The following TRPM3 variants were observed in gnomAD, a reference collection of about 807,000 sequenced individuals.
TRPM3 encodes the protein transient receptor potential cation channel subfamily M member 3, also known as long transient receptor potential channel 3.
Under a neutral mutation model 181.2 loss-of-function variants are expected in TRPM3, and 77 were observed. That is an observed-to-expected ratio of 0.42 (90% CI 0.35 to 0.51). The LOEUF is 0.51. Ranked by LOEUF, TRPM3 falls within the 20% of genes least tolerant of loss-of-function variation. TRPM3 has a pLI of 0.01. For synonymous variants in TRPM3, 745 were observed against 796.4 expected, an observed-to-expected ratio of 0.94 and a Z score of 1.09; for missense variants, 1,759 against 2,196.7, an observed-to-expected ratio of 0.80 and a Z score of 3.98.
At chr9:71,294,434 T>C (rs1464098582) in intron 1 of TRPM3, among the ~76,000 whole-genome samples, 1 of 152,092 alleles carries the variant, frequency 6.6e-6, no homozygotes, top group Non-Finnish European at 1.5e-5. Context: ...ATTTCACACC[T>C]GCCAGACTGG....
chr9:71,432,081 A>C (rs1036296519), intron 1 of TRPM3, among the ~76,000 whole-genome samples: 1 of 152,206 alleles, frequency 6.6e-6, no homozygotes, highest in Non-Finnish European at 1.5e-5. Context: ...AGAAGCAATA[A>C]CATCCAGCCT....
At chr9:71,382,473 C>G (rs545927656) in intron 1 of TRPM3, among the ~76,000 whole-genome samples, 1 of 152,202 alleles carries the variant, frequency 6.6e-6, no homozygotes, top group Non-Finnish European at 1.5e-5. Context: ...ACTCTAGGTA[C>G]AGTGGGATAT....
At chr9:70,644,550 A>G (rs1290567122) in intron 9 of TRPM3, among the ~76,000 whole-genome samples, 1 of 152,186 alleles carries the variant, frequency 6.6e-6, no homozygotes, top group Non-Finnish European at 1.5e-5. Context: ...TATTGATGGA[A>G]TGTATCTCAA....
chr9:70,775,208 T>C (rs2081117823), intron 7 of TRPM3: 1 of 152,226 alleles, frequency 6.6e-6, no homozygotes, highest in Admixed American at 6.5e-5. Context: ...GAAACACCAG[T>C]ACATTTTATT....
intron 22 of TRPM3, among the ~76,000 whole-genome samples, chr9:70,576,038 A>G (rs2053840257): frequency 6.6e-6 from 1 of 152,192 alleles, no homozygotes; most frequent in African/African-American, 2.4e-5. Context: ...TCTATGAGCC[A>G]TGTCTCATTT....
At chr9:70,696,109 C>A (rs529990934) in intron 8 of TRPM3, among the ~76,000 whole-genome samples, 1 of 152,308 alleles carries the variant, frequency 6.6e-6, no homozygotes, top group African/African-American at 2.4e-5. Context: ...GGATCTTCCC[C>A]TCCGTTCTAT....
intron 1 of TRPM3, among the ~76,000 whole-genome samples, chr9:71,040,719 A>AAAACTGACATCAGCAGGAATGAG (rs1299706848): frequency 6.6e-6 from 1 of 152,202 alleles, no homozygotes; most frequent in African/African-American, 2.4e-5. Flanking sequence ...CTTAGGGATG[A>AAAACTGACATCAGCAGGAATGAG]AAACTGACAT....
chr9:70,638,964 G>T, intron 11 of TRPM3, 96 bp downstream of exon 11: 1 of 1,376,782 alleles, frequency 7.3e-7, no homozygotes, highest in East Asian at 2.3e-5. Flanking sequence ...GCATTTGGAC[G>T]GGAGAAGGGA....
At chr9:71,137,986 C>A (rs768406967) in intron 1 of TRPM3, among the ~76,000 whole-genome samples, 2 of 151,732 alleles carry the variant, frequency 1.3e-5, no homozygotes, top group African/African-American at 2.4e-5. Context: ...TGGTGGCAGG[C>A]GCCTGTAATC....
chr9:71,009,618 T>C lies in TRPM3; in HGVS notation c.177+111560A>G, dbSNP rs567649205. Reference sequence around the variant, plus strand: ...TAAATGGAAATATACCCCATGTTCATGGACTGGATGAATTAATATTGTTAA... The same window carrying C: ...TAAATGGAAATATACCCCATGTTCACGGACTGGATGAATTAATATTGTTAA... On this transcript the variant is annotated intron_variant, in intron 1 of 25. Coordinates refer to ENST00000677713, the MANE Select transcript of TRPM3 (RefSeq NM_001366145.2). Among the ~76,000 whole-genome samples, 2 of 152,296 alleles carry C rather than the reference T, an allele frequency of 1.3e-5. 1 individual carries two copies. Among genetic ancestry groups the C allele is most frequent in the Admixed American group, 1.3e-4 (2 of 15,304 alleles).
At chr9:71,054,876 T>C (rs904962100) in intron 1 of TRPM3, among the ~76,000 whole-genome samples, 2 of 152,144 alleles carry the variant, frequency 1.3e-5, no homozygotes, top group African/African-American at 4.8e-5. Flanking sequence ...TTCCATTCTA[T>C]AAAATGAAGA....
chr9:70,976,477 T>C (rs2097304052), intron 1 of TRPM3, among the ~76,000 whole-genome samples: 1 of 152,212 alleles, frequency 6.6e-6, no homozygotes, highest in Non-Finnish European at 1.5e-5. Context: ...ATCTCAACTA[T>C]AACGTCTAGA....
intron 1 of TRPM3, among the ~76,000 whole-genome samples, chr9:70,988,141 G>A (rs1410743130): frequency 2.0e-5 from 3 of 152,300 alleles, no homozygotes; most frequent in African/African-American, 7.2e-5. Flanking sequence ...TATTGAGCAA[G>A]AGTTCTTAAA....
intron 1 of TRPM3, among the ~76,000 whole-genome samples, chr9:71,009,554 C>G (rs988387502): frequency 2.0e-4 from 30 of 151,956 alleles, no homozygotes; most frequent in African/African-American, 7.0e-4. Flanking sequence ...ACAATAAAAA[C>G]TATAAAACAC....
intron 8 of TRPM3, among the ~76,000 whole-genome samples, chr9:70,756,596 A>G (rs2135196504): frequency 6.6e-6 from 1 of 152,318 alleles, no homozygotes; most frequent in Middle Eastern, 3.4e-3. Flanking sequence ...ATTGGAAATA[A>G]AACACTCCTC....
intron 1 of TRPM3, among the ~76,000 whole-genome samples, chr9:70,903,832 G>A (rs907158670): frequency 5.9e-5 from 9 of 152,062 alleles, no homozygotes; most frequent in East Asian, 1.9e-4. Flanking sequence ...GTAAATGTTC[G>A]TTTAACAATC....
chr9:70,605,187 C>T (rs2060815174), intron 19 of TRPM3, among the ~76,000 whole-genome samples: 1 of 151,964 alleles, frequency 6.6e-6, no homozygotes, highest in Non-Finnish European at 1.5e-5. Flanking sequence ...AATTCCTGAC[C>T]TCAAGTGATC....
At chr9:71,318,902 T>C (rs2088914429) in intron 1 of TRPM3, among the ~76,000 whole-genome samples, 1 of 151,992 alleles carries the variant, frequency 6.6e-6, no homozygotes, top group African/African-American at 2.4e-5. Context: ...TTGGTATCTA[T>C]CCCAGATCCC....
chr9:70,766,355 T>G (rs2079117059), intron 7 of TRPM3, among the ~76,000 whole-genome samples: 1 of 152,138 alleles, frequency 6.6e-6, no homozygotes, highest in African/African-American at 2.4e-5. Flanking sequence ...GTTCCTAGAT[T>G]TAAAAATTAG....
Sources: allele counts gnomAD v4.1 joint callset (sites outside exome capture counted in the v4.1 genomes callset), GRCh38; gene constraint gnomAD v4.1.1; transcripts MANE v1.5; gene names NCBI Gene and HGNC (gene_info 2026-07-23, HGNC 2026-07-21).